PLXNA4: variants seen among roughly 807,000 people sequenced by gnomAD.
PLXNA4 encodes the protein plexin A4.
Under a neutral mutation model 191.8 loss-of-function variants are expected in PLXNA4, and 44 were observed. The ratio of observed to expected loss-of-function variants is 0.23; its 90% CI spans 0.18 to 0.29. The LOEUF (loss-of-function observed/expected upper bound fraction) is 0.29. PLXNA4 is among the 10% of genes least tolerant of loss of function. The pLI, the probability that PLXNA4 is intolerant of heterozygous loss-of-function variation, is 1.00. For synonymous variants in PLXNA4, 1,082 were observed against 1,009.5 expected, an observed-to-expected ratio of 1.07 and a Z score of -1.36; for missense variants, 1,800 against 2,488.8, an observed-to-expected ratio of 0.72 and a Z score of 5.89.
chr7:132,579,838 G>C (rs992347852), upstream of PLXNA4, among the ~76,000 whole-genome samples: 13 of 152,076 alleles, frequency 8.5e-5, no homozygotes, highest in African/African-American at 3.1e-4. Context: ...TCATATTATC[G>C]GAAGGAGGAG....
chr7:132,263,448 G>A (rs902695160), intron 4 of PLXNA4, among the ~76,000 whole-genome samples: 6 of 152,322 alleles, frequency 3.9e-5, no homozygotes, highest in Middle Eastern at 3.4e-3. Flanking sequence ...CCTGGGCTGA[G>A]TTATGAGTGC....
rs1259259788 is a variant in PLXNA4, at chr7:132,507,689, G to A, written c.1005C>T (p.Leu335=). 2 of 1,614,108 alleles carry A rather than the reference G, an allele frequency of 1.2e-6. No homozygotes were observed. The highest frequency in any genetic ancestry group is 1.7e-6 in the Non-Finnish European group (2 of 1,180,050). ...TCTGGCCCTTGGAGAAGACGGTGAA[G>A]AGCAGGTCATCATCTGGATGGACTC... ...TLGVHPDDDL[L]FTVFSKGQKR... The change falls in exon 2 of 32, where the codon CTC becomes CTT. Residue 335 remains leucine (L), a synonymous_variant. Transcript: ENST00000321063.
exon 1 of PLXNA4, chr7:132,648,644 G>A (rs576920093): frequency 1.1e-4 from 16 of 152,280 alleles, no homozygotes; most frequent in African/African-American, 3.9e-4. Flanking sequence ...CTACTAGTGG[G>A]CAAGATCTCC....
rs373041783 is a variant in PLXNA4, at chr7:132,472,379, A to C, written c.1371+16913T>G. On this transcript the variant is annotated intron_variant, in intron 3 of 31. Transcript: ENST00000321063. ...TTATCTATATTTTGCTGGATTCTTC[A>C]TATCTACCATGGCTTCCCTTATGAT... Among the ~76,000 whole-genome samples, 5 of 152,220 alleles carry C rather than the reference A, an allele frequency of 3.3e-5. No homozygotes were observed. The East Asian group carries it at 9.6e-4, about 29-fold the overall frequency.
chr7:132,176,678 G>C (rs936609834), intron 20 of PLXNA4, among the ~76,000 whole-genome samples: 8 of 152,146 alleles, frequency 5.3e-5, no homozygotes, highest in African/African-American at 1.9e-4. Context: ...CAGTGTGTAT[G>C]CATGTGTGAA....
intron 30 of PLXNA4, among the ~76,000 whole-genome samples, chr7:132,134,701 A>G (rs914692851): frequency 6.6e-6 from 1 of 152,210 alleles, no homozygotes; most frequent in African/African-American, 2.4e-5. Context: ...AACAAGGCCA[A>G]GGGCGTAATA....
chr7:132,643,201 C>T (rs1472378447), intron 2 of PLXNA4, among the ~76,000 whole-genome samples: 1 of 152,122 alleles, frequency 6.6e-6, no homozygotes, highest in Non-Finnish European at 1.5e-5. Context: ...GATGAAGCTC[C>T]TCCATGTTCC....
intron 5 of PLXNA4, among the ~76,000 whole-genome samples, chr7:132,231,452 T>C (rs1380560353): frequency 6.6e-6 from 1 of 152,214 alleles, no homozygotes. Context: ...TGAGACAGAG[T>C]CTGGCTCTGT....
At chr7:132,351,816 C>T (rs372965928) in intron 3 of PLXNA4, among the ~76,000 whole-genome samples, 231 of 152,240 alleles carry the variant, frequency 1.5e-3, no homozygotes, top group South Asian at 3.1e-3. Context: ...CCTGCTCACT[C>T]CTGCCTCTCT....
intron 15 of PLXNA4, among the ~76,000 whole-genome samples, chr7:132,185,974 G>A (rs1205389359): frequency 2.0e-5 from 3 of 152,136 alleles, no homozygotes; most frequent in Admixed American, 1.3e-4. Context: ...AGTTGCAATC[G>A]TCCTGAGTCT....
At chr7:132,320,913 TC>T (rs1354389863) in intron 3 of PLXNA4, among the ~76,000 whole-genome samples, 2 of 152,128 alleles carry the variant, frequency 1.3e-5, no homozygotes, top group African/African-American at 4.8e-5. Flanking sequence ...GAATGACTGC[TC>T]CCGCGGCAGG....
chr7:132,457,688 G>C (rs1796360509), intron 3 of PLXNA4, among the ~76,000 whole-genome samples: 1 of 152,230 alleles, frequency 6.6e-6, no homozygotes, highest in Admixed American at 6.5e-5. Context: ...AAATTATCTG[G>C]TAGGTCCTAA....
intron 3 of PLXNA4, among the ~76,000 whole-genome samples, chr7:132,390,634 G>C (rs1805367600): frequency 6.6e-6 from 1 of 152,136 alleles, no homozygotes; most frequent in Admixed American, 6.5e-5. Context: ...TAACTTCTCT[G>C]TCTGGCAAAG....
intron 1 of PLXNA4, among the ~76,000 whole-genome samples, chr7:132,562,944 C>T (rs1483965776): frequency 4.1e-5 from 4 of 97,048 alleles, no homozygotes; most frequent in Non-Finnish European, 6.4e-5. Context: ...CCTCCTCTCC[C>T]TCCTCCTCCT....
At chr7:132,225,625 C>A (rs1001089327) in intron 8 of PLXNA4, among the ~76,000 whole-genome samples, 19 of 145,288 alleles carry the variant, frequency 1.3e-4, no homozygotes, top group Admixed American at 9.5e-4. Flanking sequence ...CGCCCCCCCC[C>A]ACAGCTTTCT....
At chr7:132,215,473 C>T (rs953306153) in intron 9 of PLXNA4, among the ~76,000 whole-genome samples, 13 of 152,168 alleles carry the variant, frequency 8.5e-5, no homozygotes, top group African/African-American at 2.9e-4. Flanking sequence ...GCTTCTAAAA[C>T]CTTTGGAGTT....
chr7:132,516,530 A>C (rs935553034), intron 1 of PLXNA4, among the ~76,000 whole-genome samples: 1 of 152,200 alleles, frequency 6.6e-6, no homozygotes. Flanking sequence ...AACAGAAAAC[A>C]GCCACAATGC....
intron 3 of PLXNA4, among the ~76,000 whole-genome samples, chr7:132,300,267 T>C (rs1157450395): frequency 6.6e-6 from 1 of 152,108 alleles, no homozygotes; most frequent in Non-Finnish European, 1.5e-5. Context: ...ACCAGTTACA[T>C]GAGAGTCCTT....
chr7:132,205,686 C>A (rs562756561), intron 10 of PLXNA4, among the ~76,000 whole-genome samples: 2 of 152,160 alleles, frequency 1.3e-5, no homozygotes, highest in African/African-American at 4.8e-5. Flanking sequence ...GGCTGTTTCA[C>A]CCCAAGCTGA....
Sources: gnomAD v4.1 joint callset for allele counts (sites outside exome capture counted in the v4.1 genomes callset) on GRCh38, gnomAD v4.1.1 for gene constraint, MANE v1.5 for transcripts, NCBI Gene and HGNC (gene_info 2026-07-23, HGNC 2026-07-21) for gene names.